Variants in HTR7 observed in about 807,000 individuals in gnomAD.
HTR7 encodes the protein 5-hydroxytryptamine receptor 7.
HTR7 carries 16 observed loss-of-function variants against 34.0 expected under a neutral mutation model. The observed-to-expected ratio is 0.47, with a 90% confidence interval of 0.32 to 0.71. HTR7 has a LOEUF of 0.71. Ranked by LOEUF, HTR7 falls within the 30% of genes least tolerant of loss-of-function variation. HTR7 has a pLI of 0.04. For missense variants in HTR7, 504 were observed against 625.5 expected (o/e 0.81, Z 2.07); for synonymous variants, 265 against 260.2 (o/e 1.02, Z -0.18).
At chr10:90,758,506 C>A (rs1319238052) in intron 1 of HTR7, among the ~76,000 whole-genome samples, 1 of 151,920 alleles carries the variant, frequency 6.6e-6, no homozygotes, top group Non-Finnish European at 1.5e-5. Context: ...GGAGAACACA[C>A]AAAGATAAGA....
At chr10:90,803,490 T>G (rs536090563) in intron 1 of HTR7, among the ~76,000 whole-genome samples, 4 of 152,300 alleles carry the variant, frequency 2.6e-5, no homozygotes, top group African/African-American at 9.6e-5. Flanking sequence ...CTATTTGCCA[T>G]TTGATGCACA....
chr10:90,773,105 T>C (rs1292148352), intron 1 of HTR7, among the ~76,000 whole-genome samples: 2 of 152,208 alleles, frequency 1.3e-5, no homozygotes, highest in East Asian at 1.9e-4. Flanking sequence ...AAATTTCTAG[T>C]TGGGAAAAAC....
At chr10:90,753,732 GATAT>G (rs202228756) in intron 1 of HTR7, among the ~76,000 whole-genome samples, 1 of 150,960 alleles carries the variant, frequency 6.6e-6, no homozygotes, top group Non-Finnish European at 1.5e-5. Flanking sequence ...GATTAGATAT[GATAT>G]ATATATATAC....
chr10:90,813,446 C>T lies in HTR7; in HGVS notation c.539+43687G>A, dbSNP rs187984686. Among the ~76,000 whole-genome samples the T allele has an allele frequency of 4.8e-4, 73 of 151,104 alleles. No individual in the cohort carries two copies. The East Asian group carries it at 9.1e-3, about 19-fold the overall frequency. Reference sequence around the variant, plus strand: ...CTGAGGCCACAGGGTCGCTTGAACGCGGGTGGCAGAGGTTGCAGTGAGCAA... The same window carrying T: ...CTGAGGCCACAGGGTCGCTTGAACGTGGGTGGCAGAGGTTGCAGTGAGCAA... On this transcript the variant is annotated intron_variant, in intron 1 of 3. Transcript: ENST00000336152.
At chr10:90,855,310 G>T (rs933180493) in intron 1 of HTR7, among the ~76,000 whole-genome samples, 1 of 152,192 alleles carries the variant, frequency 6.6e-6, no homozygotes, top group Non-Finnish European at 1.5e-5. Context: ...CATGCACGCT[G>T]AGTGGAGAAT....
At chr10:90,772,460 T>C (rs1339047130) in intron 1 of HTR7, among the ~76,000 whole-genome samples, 2 of 152,178 alleles carry the variant, frequency 1.3e-5, no homozygotes, top group African/African-American at 4.8e-5. Flanking sequence ...ATATTAGCCA[T>C]TAAAAAACCA....
chr10:90,792,227 A>G (rs1432465338), intron 1 of HTR7, among the ~76,000 whole-genome samples: 2 of 152,170 alleles, frequency 1.3e-5, no homozygotes, highest in Non-Finnish European at 2.9e-5. Context: ...AAGGCAAAGT[A>G]GTGCGAGTTA....
chr10:90,830,765 G>A (rs1486828189), intron 1 of HTR7, among the ~76,000 whole-genome samples: 2 of 145,656 alleles, frequency 1.4e-5, no homozygotes, highest in Admixed American at 7.0e-5. Flanking sequence ...TCCAGCCTGG[G>A]TGACAAAGTG....
intron 1 of HTR7, among the ~76,000 whole-genome samples, chr10:90,806,568 C>T (rs1264508605): frequency 6.6e-6 from 1 of 151,710 alleles, no homozygotes; most frequent in African/African-American, 2.4e-5. Context: ...CTCTGCACTC[C>T]AGCCTGGGCG....
chr10:90,849,485 C>A (rs897943346), intron 1 of HTR7, among the ~76,000 whole-genome samples: 1 of 151,868 alleles, frequency 6.6e-6, no homozygotes, highest in East Asian at 1.9e-4. Flanking sequence ...GGAGTAAACC[C>A]GATGCAGGAA....
At chr10:90,825,377 G>A (rs1365768330) in intron 1 of HTR7, among the ~76,000 whole-genome samples, 1 of 152,154 alleles carries the variant, frequency 6.6e-6, no homozygotes, top group Non-Finnish European at 1.5e-5. Flanking sequence ...ACCTTCCTAA[G>A]AAGGATGGGT....
At chr10:90,823,465 G>A (rs951403911) in intron 1 of HTR7, among the ~76,000 whole-genome samples, 2 of 152,210 alleles carry the variant, frequency 1.3e-5, no homozygotes, top group Non-Finnish European at 2.9e-5. Context: ...CCCATTGTCT[G>A]TACTATCACA....
chr10:90,836,094 C>T (rs1230070765), intron 1 of HTR7, among the ~76,000 whole-genome samples: 1 of 152,110 alleles, frequency 6.6e-6, no homozygotes, highest in East Asian at 1.9e-4. Context: ...CCCACCTCAG[C>T]GTGAATGAAT....
intron 1 of HTR7, among the ~76,000 whole-genome samples, chr10:90,824,646 T>G (rs1846041753): frequency 6.6e-6 from 1 of 152,204 alleles, no homozygotes. Flanking sequence ...CATATTTCCC[T>G]GAAGGGTGAG....
intron 1 of HTR7, among the ~76,000 whole-genome samples, chr10:90,814,170 GGA>G (rs1845861760): frequency 6.6e-6 from 1 of 152,176 alleles, no homozygotes; most frequent in Non-Finnish European, 1.5e-5. Context: ...CTAGTGGACT[GGA>G]TAAAAGCCCT....
At chr10:90,773,158 A>G (rs1303699908) in intron 1 of HTR7, among the ~76,000 whole-genome samples, 1 of 152,208 alleles carries the variant, frequency 6.6e-6, no homozygotes, top group Non-Finnish European at 1.5e-5. Flanking sequence ...TACCCATTTA[A>G]AGCATCCCTT....
chr10:90,769,509 C>T (rs555809339), intron 1 of HTR7, among the ~76,000 whole-genome samples: 1 of 152,288 alleles, frequency 6.6e-6, no homozygotes, highest in South Asian at 2.1e-4. Flanking sequence ...AATTAAATTG[C>T]TTATCTGATC....
At chr10:90,834,781 G>C (rs977423475) in intron 1 of HTR7, among the ~76,000 whole-genome samples, 2 of 152,118 alleles carry the variant, frequency 1.3e-5, no homozygotes, top group African/African-American at 4.8e-5. Context: ...GTCTCTGCCT[G>C]TGTCATGTTT....
chr10:90,762,762 TGTCA>T (rs149916602), intron 1 of HTR7, among the ~76,000 whole-genome samples: 1,828 of 152,302 alleles, frequency 0.012, 27 homozygotes, highest in African/African-American at 0.037. Context: ...AGTTTTATGG[TGTCA>T]GATACTACAT....
Sources: gnomAD v4.1 joint callset for allele counts (sites outside exome capture counted in the v4.1 genomes callset) on GRCh38, gnomAD v4.1.1 for gene constraint, MANE v1.5 for transcripts, NCBI Gene and HGNC (gene_info 2026-07-23, HGNC 2026-07-21) for gene names.